Variants in IPO7 observed in about 807,000 individuals in gnomAD.
IPO7 encodes the protein importin 7.
IPO7 carries 13 observed loss-of-function variants against 136.4 expected under a neutral mutation model. That is an observed-to-expected ratio of 0.10 (90% CI 0.06 to 0.15). The LOEUF is 0.15. Ranked by LOEUF, IPO7 falls within the 10% of genes least tolerant of loss-of-function variation. The pLI is 1.00. For missense variants in IPO7, 857 were observed against 1,240.6 expected, an observed-to-expected ratio of 0.69 and a Z score of 4.65; for synonymous variants, 403 against 404.4, an observed-to-expected ratio of 1.00 and a Z score of 0.04.
intron 8 of IPO7, among the ~76,000 whole-genome samples, chr11:9,422,786 A>G (rs997625553): frequency 4.4e-4 from 67 of 152,186 alleles, no homozygotes; most frequent in African/African-American, 1.6e-3. Flanking sequence ...TGTCTCTAAC[A>G]ACAACAACAA....
chr11:9,397,341 A>AAAAAAAAAAAAAAAAAATATATATAT, intron 1 of IPO7, among the ~76,000 whole-genome samples: 4 of 10,756 alleles, frequency 3.7e-4, no homozygotes, highest in Non-Finnish European at 7.3e-4. Context: ...TTTAAAAAAA[A>AAAAAAAAAAAAAAAAAATATATATAT]ATATATATAT....
chr11:9,403,671 G>A (rs1854832919), intron 2 of IPO7: 1 of 286,918 alleles, frequency 3.5e-6, no homozygotes, highest in Admixed American at 5.0e-5. Context: ...ACTCAAACAT[G>A]TTTGTTTATA....
intron 6 of IPO7, among the ~76,000 whole-genome samples, chr11:9,420,062 G>A (rs1159013664): frequency 2.0e-5 from 3 of 152,144 alleles, no homozygotes; most frequent in East Asian, 1.9e-4. Flanking sequence ...AGTGGCGCAC[G>A]CCTGTAATCC....
intron 1 of IPO7, among the ~76,000 whole-genome samples, chr11:9,394,598 C>G (rs1323752632): frequency 6.6e-6 from 1 of 152,190 alleles, no homozygotes; most frequent in Non-Finnish European, 1.5e-5. Flanking sequence ...AAAATTCATA[C>G]TCTTTAAATT....
At chr11:9,403,241 A>G (rs1273517994) in intron 1 of IPO7, 49 bp from the exon 2 acceptor site, 4 of 1,248,736 alleles carry the variant, frequency 3.2e-6, no homozygotes, top group Non-Finnish European at 4.7e-6. Context: ...CTGTAATTTT[A>G]AAGTATATTT....
intron 14 of IPO7, 129 bp from the exon 15 acceptor site, chr11:9,429,545 A>G (rs1266566043): frequency 1.7e-6 from 1 of 586,956 alleles, no homozygotes; most frequent in Non-Finnish European, 2.9e-6. Context: ...AAAAGCCATA[A>G]TCCTAGAAAC....
chr11:9,420,141 G>A (rs1193842896), intron 6 of IPO7: 6 of 333,210 alleles, frequency 1.8e-5, no homozygotes, highest in Admixed American at 9.1e-5. Flanking sequence ...GGCTAACCCC[G>A]TCTCTACTAA....
chr11:9,436,135 T>C (rs1855364780), intron 19 of IPO7, 136 bp from the exon 20 acceptor site: 3 of 615,988 alleles, frequency 4.9e-6, no homozygotes, highest in Non-Finnish European at 8.7e-6. Context: ...CAATGAACAT[T>C]GCAGTTATTC....
chr11:9,414,859 C>T (rs541313018), intron 5 of IPO7, among the ~76,000 whole-genome samples: 5 of 151,808 alleles, frequency 3.3e-5, no homozygotes, highest in African/African-American at 9.6e-5. Flanking sequence ...CTCCTGACCT[C>T]GTGATCCACC....
At chr11:9,405,170 C>CT (rs1265175930) in intron 2 of IPO7, among the ~76,000 whole-genome samples, 2 of 151,710 alleles carry the variant, frequency 1.3e-5, no homozygotes, top group African/African-American at 2.4e-5. Context: ...GTAGCTCCAT[C>CT]TTTTTTTTGT....
At chr11:9,397,341 A>AAAAAAAAAAAAAAATAT in intron 1 of IPO7, among the ~76,000 whole-genome samples, 2 of 10,760 alleles carry the variant, frequency 1.9e-4, no homozygotes, top group Non-Finnish European at 3.7e-4. Flanking sequence ...TTTAAAAAAA[A>AAAAAAAAAAAAAAATAT]ATATATATAT....
chr11:9,388,336 C>A (rs1485736861), intron 1 of IPO7, among the ~76,000 whole-genome samples: 4 of 151,714 alleles, frequency 2.6e-5, no homozygotes, highest in Non-Finnish European at 2.9e-5. Flanking sequence ...TGCCACCACA[C>A]CTGGCTAATT....
At chr11:9,404,823 C>T (rs913863888) in intron 2 of IPO7, among the ~76,000 whole-genome samples, 27 of 152,218 alleles carry the variant, frequency 1.8e-4, no homozygotes, top group African/African-American at 4.8e-5. Flanking sequence ...GCCTTGGCCT[C>T]CCAAAGTGCT....
intron 19 of IPO7, among the ~76,000 whole-genome samples, chr11:9,435,566 T>G (rs1440113988): frequency 2.0e-5 from 3 of 152,232 alleles, no homozygotes; most frequent in African/African-American, 7.2e-5. Flanking sequence ...CTTTCACTCA[T>G]CTCTTTCCTT....
chr11:9,438,879 A>T (rs112164281), intron 22 of IPO7, among the ~76,000 whole-genome samples: 7 of 152,208 alleles, frequency 4.6e-5, no homozygotes, highest in Non-Finnish European at 8.8e-5. Context: ...CAGTTCTTCA[A>T]AAGTTTTCTA....
At chr11:9,388,181 ATT>A (rs200566610) in intron 1 of IPO7, among the ~76,000 whole-genome samples, 3 of 146,008 alleles carry the variant, frequency 2.1e-5, no homozygotes, top group Non-Finnish European at 1.5e-5. Flanking sequence ...AAATAAATAA[ATT>A]TTTTTTTTTT....
Position 9,442,151 on chromosome 11 carries a change from G to A in IPO7, c.2973G>A (p.Gln991=), listed in dbSNP as rs1254839674. 2 of 1,608,204 alleles carry A rather than the reference G, an allele frequency of 1.2e-6. No individual in the cohort carries two copies. Among genetic ancestry groups the A allele is most frequent in the Non-Finnish European group, 1.7e-6 (2 of 1,174,750 alleles). ...THGLNEEQRK[Q]LQDIATLADQ... ...GTCTTAATGAAGAACAAAGAAAACAGTTACAGGACATAGCAACTCTGGCTG... is the reference window on the plus strand; with the variant it reads ...GTCTTAATGAAGAACAAAGAAAACAATTACAGGACATAGCAACTCTGGCTG... Residue 991 remains glutamine (Q), a synonymous_variant, in exon 24 of 25, where the codon CAG becomes CAA. Transcript: ENST00000379719.
At chr11:9,408,667 C>A in intron 3 of IPO7, 28 bp downstream of exon 3, 1 of 1,222,240 alleles carries the variant, frequency 8.2e-7, no homozygotes, top group Non-Finnish European at 1.1e-6. Context: ...TTACCCATTT[C>A]TGCAGGTGTG....
At chr11:9,400,848 A>G (rs938996678) in intron 1 of IPO7, among the ~76,000 whole-genome samples, 5 of 152,124 alleles carry the variant, frequency 3.3e-5, no homozygotes, top group African/African-American at 7.2e-5. Context: ...AAAATTCTCT[A>G]TAAGAATGTG....
Sources: gnomAD v4.1 joint callset for allele counts (sites outside exome capture counted in the v4.1 genomes callset) on GRCh38, gnomAD v4.1.1 for gene constraint, MANE v1.5 for transcripts, NCBI Gene and HGNC (gene_info 2026-07-23, HGNC 2026-07-21) for gene names.